Variants in RCBTB2 observed in about 807,000 individuals in gnomAD.
RCBTB2 encodes RCC1 and BTB domain containing protein 2.
A neutral mutation model predicts 65.4 loss-of-function variants in RCBTB2; 55 were observed. The observed-to-expected ratio is 0.84, with a 90% CI of 0.68 to 1.05. The LOEUF is 1.05. RCBTB2 is among the 50% of genes least tolerant of loss of function. The pLI is 0.00. For missense variants in RCBTB2, 599 were observed against 680.1 expected, an observed-to-expected ratio of 0.88 and a Z score of 1.33; for synonymous variants, 220 against 255.2, an observed-to-expected ratio of 0.86 and a Z score of 1.31.
In RCBTB2 at chr13:48,515,308, G is replaced by A. The variant is rs933804669; in HGVS notation, c.246C>T (p.Asp82=). 2.3e-5 allele frequency: 37 copies of A among 1,613,892 alleles called. No homozygotes were observed. Among genetic ancestry groups the A allele is most frequent in the Non-Finnish European group, 3.1e-5 (36 of 1,179,960 alleles). ...TNCCGCLGLG[D]VQSTIEPRRL... ...TCCGAGGTTCAATGGTGCTCTGGAC[G>A]TCACCTAACCCCAAACAGCCACAGC... The change falls in exon 6 of 15, where the codon GAC becomes GAT. Residue 82 remains aspartate, a synonymous_variant. Transcript: ENST00000344532.
chr13:48,512,719 C>T lies in RCBTB2; in HGVS notation c.516+10G>A. The T allele has an allele frequency of 6.2e-7, 1 of 1,611,434 alleles. No homozygotes were observed. Among genetic ancestry groups the T allele is most frequent in the South Asian group, 1.1e-5 (1 of 90,908 alleles). ...AAAAAATCAATGAGCTTTATGCTGA[C>T]TGTTCTCACCTCTCCATCAGATGTT... On this transcript the variant is annotated intron_variant, in intron 7 of 14. Coordinates refer to ENST00000344532, the MANE Select transcript of RCBTB2 (RefSeq NM_001268.4).
At chr13:48,493,459 C>A (rs1949836168) in intron 14 of RCBTB2, among the ~76,000 whole-genome samples, 1 of 151,912 alleles carries the variant, frequency 6.6e-6, no homozygotes, top group Non-Finnish European at 1.5e-5. Flanking sequence ...CCTCTCCAAA[C>A]CCTCTGATGG....
At chr13:48,492,922 G>C (rs547544590) in intron 14 of RCBTB2, among the ~76,000 whole-genome samples, 17 of 152,084 alleles carry the variant, frequency 1.1e-4, no homozygotes, top group African/African-American at 2.9e-4. Flanking sequence ...TTTCCATTTG[G>C]ATGTCTAATA....
intron 2 of RCBTB2, among the ~76,000 whole-genome samples, chr13:48,524,197 C>T (rs560279628): frequency 2.0e-5 from 3 of 152,182 alleles, no homozygotes; most frequent in Admixed American, 2.0e-4. Context: ...TTGTGCACTA[C>T]ACGTGGAGAT....
chr13:48,507,624 G>C (rs556988479), intron 10 of RCBTB2, among the ~76,000 whole-genome samples: 4 of 152,172 alleles, frequency 2.6e-5, no homozygotes, highest in African/African-American at 9.7e-5. Flanking sequence ...AACCTTGAGG[G>C]GGGTGAAAGG....
chr13:48,491,244 T>TA lies in RCBTB2; in HGVS notation c.1516-994dup, dbSNP rs575786117. Reference sequence around the variant, plus strand: ...TAGCAAATGCTGAAGATGGAAAAAATAAAAAAAATAGCAATGCTGATAGCC... The same window carrying TA: ...TAGCAAATGCTGAAGATGGAAAAAATAAAAAAAAATAGCAATGCTGATAGCC... On this transcript the variant is annotated intron_variant, in intron 14 of 14. Transcript: ENST00000344532. Among the ~76,000 whole-genome samples, 739 of 151,826 alleles carry TA rather than the reference T, an allele frequency of 4.9e-3. 6 individuals are homozygous for TA. The highest frequency in any genetic ancestry group is 0.017 in the African/African-American group (711 of 41,382).
intron 12 of RCBTB2, among the ~76,000 whole-genome samples, chr13:48,501,373 TAAG>T (rs763282151): frequency 2.6e-5 from 4 of 152,186 alleles, no homozygotes; most frequent in Non-Finnish European, 4.4e-5. Flanking sequence ...CAAGTGATTA[TAAG>T]AAGGTGATTA....
chr13:48,504,653 A>C (rs1950401292), intron 10 of RCBTB2, among the ~76,000 whole-genome samples: 1 of 152,150 alleles, frequency 6.6e-6, no homozygotes. Flanking sequence ...CACTGGCTTA[A>C]TTCTCTCTAA....
chr13:48,528,297 G>GA (rs201227068), intron 1 of RCBTB2, among the ~76,000 whole-genome samples: 8 of 151,672 alleles, frequency 5.3e-5, no homozygotes, highest in Admixed American at 3.3e-4. Context: ...AAGAAGGGGT[G>GA]AAAAAAAATA....
At chr13:48,497,847 G>C (rs1593608555) in intron 13 of RCBTB2, among the ~76,000 whole-genome samples, 1 of 152,174 alleles carries the variant, frequency 6.6e-6, no homozygotes, top group African/African-American at 2.4e-5. Flanking sequence ...AGTTGTGAAT[G>C]GCTTCATTGT....
chr13:48,522,059 C>T (rs1479397572), intron 3 of RCBTB2, 97 bp from the exon 4 acceptor site: 1 of 1,048,306 alleles, frequency 9.5e-7, no homozygotes, highest in Non-Finnish European at 1.4e-6. Context: ...GGAAAATAAG[C>T]TAAGCTCAAA....
chr13:48,498,222 A>C (rs1457684546), intron 13 of RCBTB2, among the ~76,000 whole-genome samples: 2 of 152,368 alleles, frequency 1.3e-5, no homozygotes, highest in East Asian at 3.9e-4. Context: ...TTCTGGCACA[A>C]GAAGTCCTGC....
At chr13:48,512,948 C>A in intron 6 of RCBTB2, 53 bp from the exon 7 acceptor site, 1 of 1,450,780 alleles carries the variant, frequency 6.9e-7, no homozygotes, top group African/African-American at 1.4e-5. Flanking sequence ...CTTCATTATA[C>A]GAAAATATAT....
intron 10 of RCBTB2, among the ~76,000 whole-genome samples, chr13:48,503,927 A>G (rs1950367004): frequency 3.3e-5 from 5 of 152,192 alleles, no homozygotes; most frequent in Admixed American, 3.3e-4. Flanking sequence ...GCCACCATAC[A>G]GATTGAAGGA....
chr13:48,512,913 G>A lies in RCBTB2; in HGVS notation c.350-18C>T, dbSNP rs760978362. 6.3e-7 allele frequency: 1 copy of A among 1,595,060 alleles called. No homozygotes were observed. Among genetic ancestry groups the A allele is most frequent in the African/African-American group, 1.3e-5 (1 of 74,362 alleles). On this transcript the variant is annotated intron_variant, in intron 6 of 14. Coordinates refer to ENST00000344532, the MANE Select transcript of RCBTB2 (RefSeq NM_001268.4). ...TTCTCCTTCTGAAAATAAAAAGAAA[G>A]ACAATCAGTTTTTTACAACATCTAC...
chr13:48,521,970 A>C lies in RCBTB2; in HGVS notation c.-23-8T>G. On this transcript the variant is annotated splice_polypyrimidine_tract_variant and splice_region_variant and intron_variant, in intron 3 of 14. Coordinates refer to ENST00000344532, the MANE Select transcript of RCBTB2 (RefSeq NM_001268.4). Reference sequence around the variant, plus strand: ...CTCAGTCCTGGGCAGTCCCTGAGGAAAAAGTATGTGGTAAAATCAGGATCC... The same window carrying C: ...CTCAGTCCTGGGCAGTCCCTGAGGACAAAGTATGTGGTAAAATCAGGATCC... 1 of 1,612,238 alleles carries C rather than the reference A, an allele frequency of 6.2e-7. No individual in the cohort carries two copies. Among genetic ancestry groups the C allele is most frequent in the East Asian group, 2.2e-5 (1 of 44,866 alleles).
At chr13:48,533,277 C>T (rs1035849806), upstream of RCBTB2, 58 of 305,948 alleles carry the variant, frequency 1.9e-4, no homozygotes, top group African/African-American at 1.2e-3. Context: ...TCGCAGACGC[C>T]CCCTCCCCTC....
chr13:48,535,283 T>A (rs1415727493), upstream of RCBTB2, among the ~76,000 whole-genome samples: 3 of 146,548 alleles, frequency 2.0e-5, no homozygotes, highest in Non-Finnish European at 4.5e-5. Flanking sequence ...TGAGATAGAA[T>A]CTTGCTCTGT....
chr13:48,502,864 G>A lies in RCBTB2; in HGVS notation c.977C>T (p.Thr326Met), dbSNP rs1472470085. ...CCACATGTACACGTGCCCACCCTGC[G>A]TCTTGGCCGCAGACGTGTGTGTGGA... ...CHSTHTSAAKTQGGHVYMWGQ... is the reference protein window; with the variant it reads ...CHSTHTSAAKMQGGHVYMWGQ... Residue 326 changes from threonine (T) to methionine (M), a missense_variant, in exon 11 of 15, where the codon ACG becomes ATG. Coordinates refer to ENST00000344532, the MANE Select transcript of RCBTB2 (RefSeq NM_001268.4). 18 of 1,614,018 alleles carry A rather than the reference G, an allele frequency of 1.1e-5. No homozygotes were observed. Among genetic ancestry groups the A allele is most frequent in the Middle Eastern group, 3.3e-4 (2 of 6,084 alleles).
Sources: gnomAD v4.1 joint callset for allele counts (sites outside exome capture counted in the v4.1 genomes callset) on GRCh38, gnomAD v4.1.1 for gene constraint, MANE v1.5 for transcripts, NCBI Gene and HGNC (gene_info 2026-07-23, HGNC 2026-07-21) for gene names.